Variants in SNTG1 observed in about 807,000 individuals in gnomAD.
SNTG1 encodes the protein syntrophin gamma 1, also known as gamma-1-syntrophin.
SNTG1 carries 39 observed loss-of-function variants against 74.7 expected under a neutral mutation model. The ratio of observed to expected loss-of-function variants is 0.52; its 90% CI spans 0.40 to 0.68. SNTG1 has a LOEUF of 0.68. Ranked by LOEUF, SNTG1 falls within the 30% of genes least tolerant of loss-of-function variation. The pLI, the probability that SNTG1 is intolerant of heterozygous loss-of-function variation, is 0.00. For missense variants in SNTG1, 685 were observed against 609.5 expected (o/e 1.12, Z -1.30); for synonymous variants, 254 against 217.1 (o/e 1.17, Z -1.49).
intron 1 of SNTG1, among the ~76,000 whole-genome samples, chr8:50,100,820 G>A (rs1389834753): frequency 6.6e-6 from 1 of 151,990 alleles, no homozygotes; most frequent in African/African-American, 2.4e-5. Context: ...TCCATGTGCA[G>A]GTTTGTTTTA....
chr8:50,500,051 T>C (rs1459613812), intron 8 of SNTG1, among the ~76,000 whole-genome samples: 1 of 151,920 alleles, frequency 6.6e-6, no homozygotes, highest in Admixed American at 6.6e-5. Flanking sequence ...TTTGGCAGGA[T>C]TCTTTTGAGG....
intron 1 of SNTG1, among the ~76,000 whole-genome samples, chr8:49,935,749 G>C (rs907785656): frequency 1.3e-5 from 2 of 152,158 alleles, no homozygotes; most frequent in African/African-American, 2.4e-5. Context: ...TTGGAAGCCA[G>C]ATTTCCCCAA....
At position 50,634,534 on chromosome 8, in the gene SNTG1, A is replaced by G. The variant is rs145732906; in HGVS notation, c.850-22375A>G. Among the ~76,000 whole-genome samples, 423 of 152,366 alleles carry G rather than the reference A, an allele frequency of 2.8e-3. 4 individuals are homozygous for G. Among genetic ancestry groups the G allele is most frequent in the Middle Eastern group, 0.01 (3 of 294 alleles). ...CATTTACATGCAGTTCTAAGAAATAATGAAGAGAAAACCTGTGTACCCTTT... is the reference window on the plus strand; with the variant it reads ...CATTTACATGCAGTTCTAAGAAATAGTGAAGAGAAAACCTGTGTACCCTTT... On this transcript the variant is annotated intron_variant, in intron 13 of 18. Transcript: ENST00000642720.
chr8:50,187,889 G>A (rs2083440046), intron 2 of SNTG1, among the ~76,000 whole-genome samples: 1 of 152,150 alleles, frequency 6.6e-6, no homozygotes, highest in Non-Finnish European at 1.5e-5. Context: ...GCAGCTGGCT[G>A]ATCACCCAGG....
intron 1 of SNTG1, among the ~76,000 whole-genome samples, chr8:50,105,674 T>C (rs2131269766): frequency 6.6e-6 from 1 of 152,234 alleles, no homozygotes; most frequent in African/African-American, 2.4e-5. Context: ...GAGCATGGGA[T>C]ATTTTTCTAG....
At chr8:50,343,488 T>C (rs1587229825) in intron 2 of SNTG1, among the ~76,000 whole-genome samples, 1 of 152,184 alleles carries the variant, frequency 6.6e-6, no homozygotes, top group South Asian at 2.1e-4. Context: ...ATTTTAATTA[T>C]AAAAAAATTA....
chr8:50,540,110 T>C (rs1221384631), intron 11 of SNTG1, among the ~76,000 whole-genome samples: 2 of 152,182 alleles, frequency 1.3e-5, no homozygotes, highest in African/African-American at 2.4e-5. Flanking sequence ...ACTTTTGTCA[T>C]CTTATGTGTG....
intron 1 of SNTG1, among the ~76,000 whole-genome samples, chr8:49,975,318 G>A (rs1238679419): frequency 6.6e-6 from 1 of 151,980 alleles, no homozygotes; most frequent in Non-Finnish European, 1.5e-5. Context: ...AAGGATTTCT[G>A]GAATTTCTTA....
intron 2 of SNTG1, among the ~76,000 whole-genome samples, chr8:50,182,550 A>G (rs1221389021): frequency 1.3e-5 from 2 of 152,130 alleles, no homozygotes; most frequent in Non-Finnish European, 2.9e-5. Context: ...AGATATCCTA[A>G]TATATTAGTT....
At chr8:50,771,621 TAA>T (rs1436693144) in intron 18 of SNTG1, among the ~76,000 whole-genome samples, 2 of 147,654 alleles carry the variant, frequency 1.4e-5, no homozygotes, top group Non-Finnish European at 2.9e-5. Flanking sequence ...GAGTAGTTGC[TAA>T]AGAGATTAGC....
At chr8:50,514,123 G>A (rs1051673548) in intron 9 of SNTG1, among the ~76,000 whole-genome samples, 2 of 152,016 alleles carry the variant, frequency 1.3e-5, no homozygotes, top group Admixed American at 1.3e-4. Context: ...CCTAGTCAAG[G>A]TTTCGTCAAT....
At chr8:50,076,835 C>T (rs746254820) in intron 1 of SNTG1, among the ~76,000 whole-genome samples, 2 of 152,018 alleles carry the variant, frequency 1.3e-5, no homozygotes, top group Non-Finnish European at 2.9e-5. Flanking sequence ...TGAGTGGTAA[C>T]TCAGGAGATA....
chr8:50,599,682 T>C (rs539964818), intron 13 of SNTG1, among the ~76,000 whole-genome samples: 69 of 152,238 alleles, frequency 4.5e-4, no homozygotes, highest in African/African-American at 1.6e-3. Context: ...ATGTTGATTT[T>C]AAATCCTACA....
intron 13 of SNTG1, among the ~76,000 whole-genome samples, chr8:50,638,837 G>A (rs2095055007): frequency 6.6e-6 from 1 of 151,970 alleles, no homozygotes; most frequent in African/African-American, 2.4e-5. Context: ...TATAACAGTA[G>A]CAGTTTTTCT....
At chr8:50,765,586 C>T (rs2095611622) in intron 18 of SNTG1, among the ~76,000 whole-genome samples, 1 of 151,942 alleles carries the variant, frequency 6.6e-6, no homozygotes, top group Non-Finnish European at 1.5e-5. Context: ...AGGAAAAGTA[C>T]ATCTATTCTA....
chr8:50,690,462 G>A (rs1389109443), intron 15 of SNTG1, among the ~76,000 whole-genome samples: 1 of 152,042 alleles, frequency 6.6e-6, no homozygotes, highest in Admixed American at 6.5e-5. Context: ...TGTTCTCGTT[G>A]CTTTCAAAGA....
At chr8:50,487,699 G>A (rs535656017) in intron 8 of SNTG1, among the ~76,000 whole-genome samples, 2 of 135,486 alleles carry the variant, frequency 1.5e-5, no homozygotes, top group East Asian at 2.3e-4. Flanking sequence ...GGGTCGGAGG[G>A]GGGGGAGGGA....
intron 2 of SNTG1, among the ~76,000 whole-genome samples, chr8:50,297,610 G>A (rs1412222010): frequency 6.6e-6 from 1 of 152,120 alleles, no homozygotes; most frequent in Non-Finnish European, 1.5e-5. Context: ...CCTCAGAGGT[G>A]GGGAGGCTAC....
chr8:50,595,068 A>G (rs2094718087), intron 13 of SNTG1, among the ~76,000 whole-genome samples: 1 of 150,132 alleles, frequency 6.7e-6, no homozygotes, highest in Non-Finnish European at 1.5e-5. Flanking sequence ...ATTTAGACAA[A>G]ATATTCTATT....
Sources: allele counts gnomAD v4.1 joint callset (sites outside exome capture counted in the v4.1 genomes callset), GRCh38; gene constraint gnomAD v4.1.1; transcripts MANE v1.5; gene names NCBI Gene and HGNC (gene_info 2026-07-23, HGNC 2026-07-21).